The following ERCC6L variants were observed in gnomAD, a reference collection of about 807,000 sequenced individuals.
ERCC6L encodes the protein ERCC excision repair 6 like, spindle assembly checkpoint helicase, also known as DNA excision repair protein ERCC-6-like.
A neutral mutation model predicts 20.1 loss-of-function variants in ERCC6L; 7 were observed. The ratio of observed to expected loss-of-function variants is 0.35; its 90% CI spans 0.20 to 0.65. The LOEUF is 0.65. ERCC6L is among the 30% of genes least tolerant of loss of function. The pLI is 0.69. For synonymous variants in ERCC6L, 278 were observed against 331.3 expected (o/e 0.84, Z 1.75); for missense variants, 592 against 892.4 (o/e 0.66, Z 4.29).
intron 1 of ERCC6L, among the ~76,000 whole-genome samples, chrX:72,217,652 G>T (rs953169488): frequency 9.0e-6 from 1 of 110,580 alleles, no homozygotes; most frequent in African/African-American, 3.3e-5. Flanking sequence ...AATGTTACTT[G>T]CCCACCCTAG....
At chrX:72,217,049 G>A (rs2042890675) in intron 1 of ERCC6L, among the ~76,000 whole-genome samples, 1 of 112,231 alleles carries the variant, frequency 8.9e-6, no homozygotes, top group Non-Finnish European at 1.9e-5. Flanking sequence ...GATAATTTTG[G>A]TTTTGGCATA....
intron 1 of ERCC6L, among the ~76,000 whole-genome samples, chrX:72,236,845 T>C (rs981986368): frequency 6.2e-5 from 7 of 112,300 alleles, no homozygotes; most frequent in African/African-American, 2.3e-4. Flanking sequence ...CTATGGACAA[T>C]GTTAAGTGAG....
At chrX:72,229,248 C>A (rs1426924422) in intron 1 of ERCC6L, among the ~76,000 whole-genome samples, 1 of 111,189 alleles carries the variant, frequency 9.0e-6, no homozygotes, top group African/African-American at 3.3e-5. Flanking sequence ...TATTAAACAC[C>A]CCTCTGACCA....
intron 1 of ERCC6L, among the ~76,000 whole-genome samples, chrX:72,215,295 G>A (rs970482178): frequency 4.5e-5 from 5 of 111,860 alleles, no homozygotes; most frequent in Non-Finnish European, 9.4e-5. Flanking sequence ...TATCCTGATA[G>A]GGGTTTGGGT....
intron 1 of ERCC6L, among the ~76,000 whole-genome samples, chrX:72,224,315 C>T (rs1329385024): frequency 9.0e-6 from 1 of 111,471 alleles, no homozygotes; most frequent in Non-Finnish European, 1.9e-5. Context: ...TTGGTCATTC[C>T]TCATTGTCCC....
chrX:72,232,273 T>TAAAAA (rs56070381), intron 1 of ERCC6L, among the ~76,000 whole-genome samples: 8 of 61,419 alleles, frequency 1.3e-4, no homozygotes, highest in Non-Finnish European at 2.2e-4. Context: ...GAAGGAGTAT[T>TAAAAA]AAAAAAAAAA....
At chrX:72,221,587 G>A (rs994050564) in intron 1 of ERCC6L, among the ~76,000 whole-genome samples, 6 of 111,340 alleles carry the variant, frequency 5.4e-5, no homozygotes, top group African/African-American at 1.6e-4. Flanking sequence ...TTGGCTTACC[G>A]GGAAGCATAA....
At chrX:72,235,602 AG>A (rs372468352) in intron 1 of ERCC6L, among the ~76,000 whole-genome samples, 2,534 of 110,778 alleles carry the variant, frequency 0.023, 81 homozygotes, top group African/African-American at 0.08. Context: ...CACGTTGGCC[AG>A]GCTGGTCTCG....
intron 1 of ERCC6L, among the ~76,000 whole-genome samples, chrX:72,215,557 A>G (rs2042883245): frequency 1.8e-5 from 2 of 111,931 alleles, no homozygotes; most frequent in South Asian, 3.7e-4. Flanking sequence ...GAGTATAGTA[A>G]AATGTTAATA....
intron 1 of ERCC6L, among the ~76,000 whole-genome samples, chrX:72,228,639 A>C: frequency 9.0e-6 from 1 of 110,798 alleles, no homozygotes. Context: ...CCCTTACGAA[A>C]CTCCCATTAT....
At chrX:72,224,409 A>C (rs895994133) in intron 1 of ERCC6L, among the ~76,000 whole-genome samples, 3 of 110,929 alleles carry the variant, frequency 2.7e-5, no homozygotes, top group African/African-American at 9.9e-5. Context: ...ACCCTTACTT[A>C]TTATTATGTC....
intron 1 of ERCC6L, among the ~76,000 whole-genome samples, chrX:72,221,247 A>G (rs748701389): frequency 7.1e-4 from 79 of 111,778 alleles, no homozygotes; most frequent in Non-Finnish European, 1.2e-3. Context: ...CAACTGGAAC[A>G]TCCAACATTG....
At chrX:72,226,194 A>G (rs2042952595) in intron 1 of ERCC6L, among the ~76,000 whole-genome samples, 2 of 111,518 alleles carry the variant, frequency 1.8e-5, no homozygotes, top group Non-Finnish European at 1.9e-5. Context: ...CTCATGCTTG[A>G]ATTTAATTGA....
At chrX:72,236,693 T>C (rs1356278627) in intron 1 of ERCC6L, among the ~76,000 whole-genome samples, 1 of 112,275 alleles carries the variant, frequency 8.9e-6, no homozygotes, top group Admixed American at 9.5e-5. Flanking sequence ...CAGTAGGTTC[T>C]TGGCAACTGC....
chrX:72,222,818 G>A lies in ERCC6L; in HGVS notation c.69-14120C>T, dbSNP rs951824497. Among the ~76,000 whole-genome samples the A allele has an allele frequency of 1.7e-4, 18 of 106,261 alleles. 1 individual carries two copies. In the East Asian group the frequency reaches 4.6e-3, roughly 27 times the overall value. The allele number at this position is 106,261 out of a possible 115,157, so 92.3% of individuals were successfully genotyped here. A position where few individuals can be genotyped will look rare whatever the true frequency, so the allele number is the denominator to read the frequency against. On this transcript the variant is annotated intron_variant, in intron 1 of 1. Coordinates refer to ENST00000334463, the MANE Select transcript of ERCC6L (RefSeq NM_017669.4). ...TCATCATGTTGGTCAGGCTGATCTC[G>A]AACTCCTGACCTCGTGATCCACCCG...
At chrX:72,224,701 C>T (rs183196398) in intron 1 of ERCC6L, among the ~76,000 whole-genome samples, 59 of 111,443 alleles carry the variant, frequency 5.3e-4, no homozygotes, top group Middle Eastern at 4.6e-3. Context: ...GCCAAGATCA[C>T]GCCATTGTAC....
chrX:72,208,199 G>A lies in ERCC6L; in HGVS notation c.568C>T (p.Arg190Trp), dbSNP rs748131332. 9 of 1,211,640 alleles carry A rather than the reference G, an allele frequency of 7.4e-6. No individual in the cohort carries two copies. Among genetic ancestry groups the A allele is most frequent in the Non-Finnish European group, 1.0e-5 (9 of 895,486 alleles). The change falls in exon 2 of 2, where the codon CGG becomes TGG. Residue 190 changes from arginine to tryptophan, a missense_variant. Physicochemically the swap from Arg to Trp is moderately radical, Grantham distance 101 (BLOSUM62 -3). This residue lies in a region of ERCC6L where 196 missense variants were observed against 440.1 expected (regional missense o/e 0.45). Transcript: ENST00000334463. ...SKDERTRNLNRIQQRNGVIIT... is the reference protein window; with the variant it reads ...SKDERTRNLNWIQQRNGVIIT... ...ATAACACCATTCCTTTGCTGAATCC[G>A]ATTGAGGTTTCTGGTCCGTTCATCC...
intron 1 of ERCC6L, among the ~76,000 whole-genome samples, chrX:72,217,246 C>A (rs913595581): frequency 9.0e-6 from 1 of 111,484 alleles, no homozygotes; most frequent in Non-Finnish European, 1.9e-5. Flanking sequence ...GTTCAACAAC[C>A]CTGCCTGCTT....
Position 72,211,803 on chromosome X carries a change from ATAT to A in ERCC6L, c.69-3108_69-3106del, listed in dbSNP as rs1210930407. Among the ~76,000 whole-genome samples, 4 of 111,099 alleles carry A rather than the reference ATAT, an allele frequency of 3.6e-5. No individual in the cohort carries two copies. The East Asian group carries it at 1.1e-3, about 31-fold the overall frequency. ...GTTTCAAAAATAAAAAAAAAAAGAA[ATAT>A]TATATACAAACAACTCCTGGAGGAA... On this transcript the variant is annotated intron_variant, in intron 1 of 1. Transcript: ENST00000334463.
Sources: gnomAD v4.1 joint callset for allele counts (sites outside exome capture counted in the v4.1 genomes callset) on GRCh38, gnomAD v4.1.1 for gene constraint, gnomAD v4.1.1 regional missense constraint, MANE v1.5 for transcripts, NCBI Gene and HGNC (gene_info 2026-07-23, HGNC 2026-07-21) for gene names.